The following RELB variants were observed in gnomAD, a reference collection of about 807,000 sequenced individuals.
RELB encodes the protein RELB proto-oncogene, NF-kB subunit, also known as transcription factor RelB.
RELB carries 14 observed loss-of-function variants against 55.4 expected under a neutral mutation model. That is an observed-to-expected ratio of 0.25 (90% CI 0.17 to 0.40). The LOEUF (loss-of-function observed/expected upper bound fraction) is 0.40. RELB is among the 10% of genes least tolerant of loss of function. RELB has a pLI of 1.00. For missense variants in RELB, 669 were observed against 830.7 expected (o/e 0.81, Z 2.39); for synonymous variants, 409 against 371.3 (o/e 1.10, Z -1.17).
chr19:45,032,712 C>T lies in RELB; in HGVS notation c.1170C>T (p.Ser390=), dbSNP rs139280106. The T allele has an allele frequency of 4.2e-5, 67 of 1,607,838 alleles. No individual in the cohort carries two copies. Among genetic ancestry groups the T allele is most frequent in the South Asian group, 1.7e-4 (15 of 90,162 alleles). Residue 390 remains serine, a synonymous_variant, in exon 9 of 12, where the codon AGC becomes AGT. Transcript: ENST00000221452. ...AGCGGCTCACCGATGGGGTCTGCAGCGAGCCATTGCCTTTCACGTACCTGC... is the reference window on the plus strand; with the variant it reads ...AGCGGCTCACCGATGGGGTCTGCAGTGAGCCATTGCCTTTCACGTACCTGC... ...FLQRLTDGVC[S]EPLPFTYLPR... is the part of the protein sequence containing the mutation.
chr19:45,009,349 G>T (rs933122716), intron 2 of RELB, among the ~76,000 whole-genome samples: 1 of 152,166 alleles, frequency 6.6e-6, no homozygotes, highest in Non-Finnish European at 1.5e-5. Context: ...CCAAAGTGCT[G>T]GGATTACAGG....
chr19:45,021,489 A>G (rs536618512), intron 4 of RELB, among the ~76,000 whole-genome samples: 1 of 150,772 alleles, frequency 6.6e-6, no homozygotes, highest in South Asian at 2.1e-4. Context: ...TGAGTGGCCT[A>G]AAAAAGCAGC....
chr19:45,022,224 G>C lies in RELB; in HGVS notation c.662+14G>C. On this transcript the variant is annotated intron_variant, in intron 5 of 11. Transcript: ENST00000221452. ...CCCCCGGCACAGGTACCCACCCCCT[G>C]ACCTCCGACCTCTCATCCTTGATCA... 1 of 1,576,114 alleles carries C rather than the reference G, an allele frequency of 6.3e-7. No homozygotes were observed. The highest frequency in any genetic ancestry group is 1.1e-5 in the South Asian group (1 of 88,674).
chr19:45,029,810 T>C (rs1044804565), intron 8 of RELB, among the ~76,000 whole-genome samples: 1 of 151,214 alleles, frequency 6.6e-6, no homozygotes, highest in Admixed American at 6.6e-5. Flanking sequence ...AGATCACGCC[T>C]CTGCACTCCA....
chr19:45,006,822 G>T (rs556273077), intron 2 of RELB, among the ~76,000 whole-genome samples: 4 of 151,968 alleles, frequency 2.6e-5, no homozygotes, highest in African/African-American at 9.6e-5. Context: ...TTAGCTGGGT[G>T]TGGTGGCCTG....
intron 2 of RELB, among the ~76,000 whole-genome samples, chr19:45,003,922 T>G (rs1340482962): frequency 1.6e-5 from 2 of 122,652 alleles, no homozygotes; most frequent in African/African-American, 3.1e-5. Flanking sequence ...TGTGTTTTTT[T>G]TTTTTTTTTT....
intron 4 of RELB, among the ~76,000 whole-genome samples, chr19:45,014,767 C>T (rs1240636738): frequency 6.6e-6 from 1 of 152,066 alleles, no homozygotes; most frequent in African/African-American, 2.4e-5. Context: ...GATCTGTCTG[C>T]CTCAGCCTCC....
At chr19:45,024,886 G>C (rs1357871410) in intron 5 of RELB, among the ~76,000 whole-genome samples, 1 of 150,448 alleles carries the variant, frequency 6.6e-6, no homozygotes, top group African/African-American at 2.5e-5. Flanking sequence ...TTGAGATGGT[G>C]TCTAACTCTG....
intron 4 of RELB, among the ~76,000 whole-genome samples, chr19:45,021,036 A>G (rs982631155): frequency 6.6e-6 from 1 of 152,036 alleles, no homozygotes; most frequent in African/African-American, 2.4e-5. Context: ...TTAGCCAGGC[A>G]TGGTAGTGTG....
chr19:45,010,007 C>T (rs1053914005), intron 3 of RELB, among the ~76,000 whole-genome samples, 185 bp downstream of exon 3: 2 of 152,106 alleles, frequency 1.3e-5, no homozygotes, highest in Non-Finnish European at 2.9e-5. Flanking sequence ...ACTTGGAAAA[C>T]ACTCAGCACG....
At chr19:45,027,329 T>C (rs932059316) in intron 7 of RELB, among the ~76,000 whole-genome samples, 1 of 152,076 alleles carries the variant, frequency 6.6e-6, no homozygotes, top group African/African-American at 2.4e-5. Context: ...AAAATGCAGA[T>C]GTAGCATAGT....
Position 45,002,835 on chromosome 19 carries a change from G to C in RELB, c.107-114G>C, listed in dbSNP as rs976967444. 9.9e-6 allele frequency: 8 copies of C among 810,690 alleles called. No homozygotes were observed. The African/African-American group carries it at 1.4e-4, about 14-fold the overall frequency. 50.2% of individuals were successfully genotyped at this position (810,690 alleles called of 1,614,324 possible). On this transcript the variant is annotated intron_variant, in intron 1 of 11. Coordinates refer to ENST00000221452, the MANE Select transcript of RELB (RefSeq NM_006509.4). The stretch of plus-strand genomic sequence containing the variant: ...ACGCAGGGGGGCAGTCAGGGCGAGG[G>C]GCCTGATCCAGAGGGGAAGGGCTAG...
chr19:45,008,032 T>C (rs1464355234), intron 2 of RELB, among the ~76,000 whole-genome samples: 1 of 127,992 alleles, frequency 7.8e-6, no homozygotes, highest in African/African-American at 3.0e-5. Flanking sequence ...AAGCCGGGTG[T>C]GGTGGTGTGC....
chr19:45,034,663 G>C, intron 11 of RELB, 135 bp downstream of exon 11: 1 of 679,706 alleles, frequency 1.5e-6, no homozygotes, highest in South Asian at 1.9e-5. Flanking sequence ...CAGCAACATA[G>C]AGTAGAAAGA....
Position 45,013,831 on chromosome 19 carries a change from T to TA in RELB, c.504+1563dup, listed in dbSNP as rs1254563339. 4.6e-5 allele frequency among the ~76,000 whole-genome samples: 7 copies of TA among 151,550 alleles called. 1 individual carries two copies. The highest frequency in any genetic ancestry group is 6.8e-3 in the Middle Eastern group (2 of 294). On this transcript the variant is annotated intron_variant, in intron 4 of 11. Coordinates refer to ENST00000221452, the MANE Select transcript of RELB (RefSeq NM_006509.4). Reference sequence around the variant, plus strand: ...TGAGCGACAAGAGCAAAACTCCTTCTAAAAAAAAGAAAAAGAAAAAGAAAA... The same window carrying TA: ...TGAGCGACAAGAGCAAAACTCCTTCTAAAAAAAAAGAAAAAGAAAAAGAAAA...
chr19:45,028,047 G>A (rs1419672070), intron 7 of RELB, among the ~76,000 whole-genome samples: 1 of 151,986 alleles, frequency 6.6e-6, no homozygotes, highest in Non-Finnish European at 1.5e-5. Flanking sequence ...ACCTGGCTAA[G>A]TTTTATTTTT....
In RELB at chr19:45,038,133, T is replaced by G; in HGVS notation, c.*343T>G. ...ATTCCTGGCCCTCCCTCCCCAGACTTGAAGGTGGGGGGTAGGTTGGTTGTT... is the reference window on the plus strand; with the variant it reads ...ATTCCTGGCCCTCCCTCCCCAGACTGGAAGGTGGGGGGTAGGTTGGTTGTT... On this transcript the variant is annotated 3_prime_UTR_variant, in exon 12 of 12. Transcript: ENST00000221452. 1 of 238,788 alleles carries G rather than the reference T, an allele frequency of 4.2e-6. No homozygotes were observed. The highest frequency in any genetic ancestry group is 8.0e-6 in the Non-Finnish European group (1 of 124,356). The allele number at this position is 238,788 out of a possible 1,614,324, so 14.8% of individuals were successfully genotyped here. A position where few individuals can be genotyped will look rare whatever the true frequency, so the allele number is the denominator to read the frequency against.
intron 2 of RELB, among the ~76,000 whole-genome samples, chr19:45,005,951 G>A (rs1971277123): frequency 6.6e-6 from 1 of 152,164 alleles, no homozygotes; most frequent in Non-Finnish European, 1.5e-5. Flanking sequence ...GGTTTCAAAT[G>A]AGAGTTATTT....
chr19:45,034,245 C>G lies in RELB; in HGVS notation c.1209C>G (p.Asp403Glu). The change falls in exon 10 of 12, where the codon GAC becomes GAG. Residue 403 changes from aspartate to glutamate, a missense_variant and splice_region_variant. Transcript: ENST00000221452. ...GTGTCCCTGGTATCTCCTTAACAGA[C>G]AGCTACGGCGTGGACAAGAAGCGGA... Reference protein sequence around the residue: ...LPFTYLPRDHDSYGVDKKRKR... With the variant: ...LPFTYLPRDHESYGVDKKRKR... 6.2e-7 allele frequency: 1 copy of G among 1,613,224 alleles called. No individual in the cohort carries two copies. The highest frequency in any genetic ancestry group is 8.5e-7 in the Non-Finnish European group (1 of 1,179,170).
Sources: gnomAD v4.1 joint callset for allele counts (sites outside exome capture counted in the v4.1 genomes callset) on GRCh38, gnomAD v4.1.1 for gene constraint, MANE v1.5 for transcripts, NCBI Gene and HGNC (gene_info 2026-07-23, HGNC 2026-07-21) for gene names.